The following SEMA3E variants were observed in gnomAD, a reference collection of about 807,000 sequenced individuals.
SEMA3E encodes the protein semaphorin 3E.
A neutral mutation model predicts 93.6 loss-of-function variants in SEMA3E; 49 were observed. The ratio of observed to expected loss-of-function variants is 0.52; its 90% CI spans 0.42 to 0.66. The LOEUF (loss-of-function observed/expected upper bound fraction) is 0.66, where lower values mean the gene tolerates loss of function less well. Ranked by LOEUF, SEMA3E falls within the 30% of genes least tolerant of loss-of-function variation. SEMA3E has a pLI of 0.00. For missense variants in SEMA3E, 906 were observed against 964.8 expected, an observed-to-expected ratio of 0.94 and a Z score of 0.81; for synonymous variants, 363 against 330.7, an observed-to-expected ratio of 1.10 and a Z score of -1.06.
intron 4 of SEMA3E, among the ~76,000 whole-genome samples, chr7:83,450,320 T>C (rs991832207): frequency 5.9e-5 from 9 of 152,296 alleles, no homozygotes; most frequent in African/African-American, 2.2e-4. Context: ...TGGACAAGAA[T>C]GCTCATAGCA....
chr7:83,495,774 G>A (rs1357095466), intron 1 of SEMA3E, among the ~76,000 whole-genome samples: 5 of 151,832 alleles, frequency 3.3e-5, no homozygotes, highest in Admixed American at 2.6e-4. Flanking sequence ...ATTTTAAGAG[G>A]TATTTTTAAA....
chr7:83,377,474 T>A (rs2709898), intron 16 of SEMA3E, among the ~76,000 whole-genome samples: 141,599 of 152,006 alleles, frequency 0.93, 66,286 homozygotes, highest in East Asian at 1. Flanking sequence ...AGCCACAGAC[T>A]TTAGGTAAAC....
At chr7:83,522,464 T>A (rs567201114) in intron 1 of SEMA3E, among the ~76,000 whole-genome samples, 56 of 152,206 alleles carry the variant, frequency 3.7e-4, no homozygotes, top group African/African-American at 1.3e-3. Flanking sequence ...TAATTTATAA[T>A]CTAAAGTTCA....
At chr7:83,466,646 A>T in intron 3 of SEMA3E, 45 bp from the exon 4 acceptor site, 1 of 1,606,540 alleles carries the variant, frequency 6.2e-7, no homozygotes, top group South Asian at 1.1e-5. Context: ...TATAATAAAC[A>T]TGTTTCGTCC....
chr7:83,609,361 T>G (rs1283940751), intron 1 of SEMA3E, among the ~76,000 whole-genome samples: 1 of 152,010 alleles, frequency 6.6e-6, no homozygotes, highest in South Asian at 2.1e-4. Context: ...AGTACATGTA[T>G]GTACTTTCTC....
chr7:83,456,802 T>G (rs527267411), intron 4 of SEMA3E, among the ~76,000 whole-genome samples: 2 of 151,818 alleles, frequency 1.3e-5, no homozygotes, highest in Admixed American at 1.3e-4. Flanking sequence ...TTAGTAGAGA[T>G]AGGGTTTCAC....
chr7:83,492,314 G>A (rs1201241550), intron 1 of SEMA3E, among the ~76,000 whole-genome samples: 1 of 151,894 alleles, frequency 6.6e-6, no homozygotes, highest in Non-Finnish European at 1.5e-5. Context: ...TCCATCTAGG[G>A]ATGACCTTGC....
chr7:83,581,737 T>C (rs1792522222), intron 1 of SEMA3E, among the ~76,000 whole-genome samples: 1 of 151,990 alleles, frequency 6.6e-6, no homozygotes, highest in Admixed American at 6.6e-5. Context: ...AATAAATTGA[T>C]CATTAAACTG....
chr7:83,567,077 A>T (rs960033480), intron 1 of SEMA3E, among the ~76,000 whole-genome samples: 2 of 152,200 alleles, frequency 1.3e-5, no homozygotes, highest in African/African-American at 4.8e-5. Context: ...CAGAAATTCC[A>T]TACAAACAGA....
intron 16 of SEMA3E, among the ~76,000 whole-genome samples, chr7:83,376,446 T>C (rs956433849): frequency 1.3e-5 from 2 of 152,098 alleles, no homozygotes; most frequent in Non-Finnish European, 2.9e-5. Flanking sequence ...GCTGTCTCCA[T>C]AACGCATTGA....
In SEMA3E at chr7:83,619,863, T is replaced by C. The variant is rs577011942; in HGVS notation, c.115+28565A>G. The stretch of plus-strand genomic sequence containing the variant: ...ATATAAATATATACCTGTGTACCTG[T>C]GGACAGAGATAGATAGATAGATGAT... On this transcript the variant is annotated intron_variant, in intron 1 of 16. Transcript: ENST00000643230. Among the ~76,000 whole-genome samples the C allele has an allele frequency of 1.5e-4, 23 of 150,672 alleles. 1 individual carries two copies. The South Asian group carries it at 4.8e-3, about 32-fold the overall frequency.
intron 1 of SEMA3E, among the ~76,000 whole-genome samples, chr7:83,533,698 C>T (rs1408509948): frequency 1.3e-5 from 2 of 152,132 alleles, no homozygotes; most frequent in African/African-American, 2.4e-5. Flanking sequence ...TGAGGAGATT[C>T]AGGTCCCTAC....
At position 83,406,103 on chromosome 7, in the gene SEMA3E, C is replaced by T. The variant is rs189883630; in HGVS notation, c.814-44G>A. 7,428 of 1,312,840 alleles carry T rather than the reference C, an allele frequency of 5.7e-3. 36 individuals are homozygous for T. Among genetic ancestry groups the T allele is most frequent in the Non-Finnish European group, 6.9e-3 (6,260 of 906,158 alleles). 81.3% of individuals were successfully genotyped at this position (1,312,840 alleles called of 1,614,324 possible). Reference sequence around the variant, plus strand: ...AGGTAAATAGTTACCTAAAGAATTTCGACCAACCACAGATTTCATATTATT... The same window carrying T: ...AGGTAAATAGTTACCTAAAGAATTTTGACCAACCACAGATTTCATATTATT... On this transcript the variant is annotated intron_variant, in intron 7 of 16. Coordinates refer to ENST00000643230, the MANE Select transcript of SEMA3E (RefSeq NM_012431.3).
intron 4 of SEMA3E, among the ~76,000 whole-genome samples, chr7:83,424,671 A>C (rs117425492): frequency 6.6e-6 from 1 of 152,188 alleles, no homozygotes; most frequent in Non-Finnish European, 1.5e-5. Context: ...GTTACCTTAC[A>C]TGGCAAAAGG....
rs111943283 is a variant in SEMA3E at position 83,515,980 on chromosome 7, T to C, written c.116-25706A>G. ...AGGCGGAGGTTGCAGTGAGCCAAGA[T>C]TGCCTCACTGGCCTTGAGCCTGGGC... On this transcript the variant is annotated intron_variant, in intron 1 of 16. Coordinates refer to ENST00000643230, the MANE Select transcript of SEMA3E (RefSeq NM_012431.3). 4.3e-3 allele frequency among the ~76,000 whole-genome samples: 658 copies of C among 152,282 alleles called. 8 individuals are homozygous for C. The highest frequency in any genetic ancestry group is 0.015 in the African/African-American group (633 of 41,568).
intron 1 of SEMA3E, among the ~76,000 whole-genome samples, chr7:83,623,672 C>T (rs1315528289): frequency 6.6e-6 from 1 of 151,076 alleles, no homozygotes; most frequent in African/African-American, 2.4e-5. Flanking sequence ...ATATTTGCTA[C>T]CATATTTTTA....
chr7:83,412,554 T>C (rs1174738634), intron 5 of SEMA3E, among the ~76,000 whole-genome samples: 10 of 151,930 alleles, frequency 6.6e-5, no homozygotes, highest in African/African-American at 1.5e-4. Context: ...AAGATCAGCC[T>C]GGGCAACATA....
At chr7:83,467,309 T>C (rs1346830262) in intron 3 of SEMA3E, among the ~76,000 whole-genome samples, 2 of 152,196 alleles carry the variant, frequency 1.3e-5, no homozygotes, top group Non-Finnish European at 2.9e-5. Context: ...TCAAGCGATC[T>C]GCCTGCCTCA....
chr7:83,425,938 C>CGAAAGA (rs1554323371), intron 4 of SEMA3E, among the ~76,000 whole-genome samples: 1 of 151,800 alleles, frequency 6.6e-6, no homozygotes, highest in African/African-American at 2.4e-5. Context: ...CAAATTCTTT[C>CGAAAGA]ATACATACAA....
Sources: gnomAD v4.1 joint callset for allele counts (sites outside exome capture counted in the v4.1 genomes callset) on GRCh38, gnomAD v4.1.1 for gene constraint, MANE v1.5 for transcripts, NCBI Gene and HGNC (gene_info 2026-07-23, HGNC 2026-07-21) for gene names.